Variants in PCDH15 observed in about 807,000 individuals in gnomAD.
PCDH15 encodes protocadherin-15.
A neutral mutation model predicts 178.5 loss-of-function variants in PCDH15; 129 were observed. The observed-to-expected ratio is 0.72, with a 90% CI of 0.63 to 0.84. The LOEUF is 0.84. Among genes scored for constraint, PCDH15 ranks in the 40% least tolerant of loss-of-function variants. The pLI is 0.00. For synonymous variants in PCDH15, 800 were observed against 732.0 expected (o/e 1.09, Z -1.50); for missense variants, 2,230 against 2,099.9 (o/e 1.06, Z -1.21).
At chr10:54,170,487 T>C (rs974109736) in intron 13 of PCDH15, among the ~76,000 whole-genome samples, 2 of 151,802 alleles carry the variant, frequency 1.3e-5, no homozygotes, top group African/African-American at 4.9e-5. Context: ...TCTCATAACT[T>C]CCAAAACCTA....
chr10:55,536,793 T>A (rs1841587747), intron 2 of PCDH15, among the ~76,000 whole-genome samples: 3 of 152,106 alleles, frequency 2.0e-5, no homozygotes, highest in Admixed American at 2.0e-4. Context: ...TCATCTTCTC[T>A]CCATACTTTT....
intron 8 of PCDH15, among the ~76,000 whole-genome samples, chr10:54,256,835 T>C (rs2132198625): frequency 6.6e-6 from 1 of 152,286 alleles, no homozygotes; most frequent in Non-Finnish European, 1.5e-5. Flanking sequence ...ACCACTCTAG[T>C]TACCAAAGAA....
chr10:54,748,811 TGGA>T (rs926695554), intron 1 of PCDH15, among the ~76,000 whole-genome samples: 1 of 152,176 alleles, frequency 6.6e-6, no homozygotes, highest in Non-Finnish European at 1.5e-5. Context: ...CTCATTTAAG[TGGA>T]GGATTTTTCT....
At chr10:53,818,993 A>G (rs2076161048) in intron 33 of PCDH15, among the ~76,000 whole-genome samples, 1 of 152,034 alleles carries the variant, frequency 6.6e-6, no homozygotes, top group Admixed American at 6.6e-5. Flanking sequence ...AAAAAAGTAA[A>G]TACAATGCTT....
At chr10:54,790,328 ATG>A (rs1461181861) in intron 1 of PCDH15, among the ~76,000 whole-genome samples, 9 of 151,454 alleles carry the variant, frequency 5.9e-5, no homozygotes, top group African/African-American at 1.7e-4. Context: ...ATTTTTACAT[ATG>A]TATATATTTA....
chr10:54,447,610 A>C (rs1247362814), intron 3 of PCDH15, among the ~76,000 whole-genome samples: 7 of 151,694 alleles, frequency 4.6e-5, no homozygotes, highest in Non-Finnish European at 1.0e-4. Context: ...TCTGTTACTG[A>C]GGTAATCAAA....
At chr10:53,809,624 A>G in intron 37 of PCDH15, 1 of 1,384,908 alleles carries the variant, frequency 7.2e-7, no homozygotes, top group Admixed American at 2.1e-5. Context: ...AAAGCTACGC[A>G]GGAATGAATC....
chr10:55,489,258 G>T (rs1372507313), intron 2 of PCDH15, among the ~76,000 whole-genome samples: 1 of 151,408 alleles, frequency 6.6e-6, no homozygotes, highest in Non-Finnish European at 1.5e-5. Context: ...CATTTAAATA[G>T]TGATTACAGA....
chr10:54,348,774 G>A lies in PCDH15; in HGVS notation c.475-2290C>T, dbSNP rs561487110. Reference sequence around the variant, plus strand: ...TACCATGTTGTACAATAGATTTATTGAATTTATTAGTTCAAGAAATTTAAA... The same window carrying A: ...TACCATGTTGTACAATAGATTTATTAAATTTATTAGTTCAAGAAATTTAAA... On this transcript the variant is annotated intron_variant, in intron 5 of 37. Transcript: ENST00000644397. Among the ~76,000 whole-genome samples, 261 of 152,158 alleles carry A rather than the reference G, an allele frequency of 1.7e-3. 1 individual carries two copies. Among genetic ancestry groups the A allele is most frequent in the African/African-American group, 6.1e-3 (253 of 41,522 alleles).
intron 3 of PCDH15, among the ~76,000 whole-genome samples, chr10:54,859,678 T>TTTGATATAA: frequency 6.6e-6 from 1 of 150,990 alleles, no homozygotes; most frequent in East Asian, 2.0e-4. Context: ...TAAGTGTATC[T>TTTGATATAA]GTTTTACAAA....
At chr10:54,212,388 C>T (rs2051538068) in intron 10 of PCDH15, among the ~76,000 whole-genome samples, 1 of 152,128 alleles carries the variant, frequency 6.6e-6, no homozygotes, top group Admixed American at 6.6e-5. Flanking sequence ...CCTTCAGGCT[C>T]TCTCCGTGGT....
chr10:53,828,688 T>C (rs2076848249), intron 30 of PCDH15, 115 bp from the exon 31 acceptor site: 1 of 908,980 alleles, frequency 1.1e-6, no homozygotes, highest in South Asian at 1.5e-5. Flanking sequence ...GTTAAATTCA[T>C]AATGACAGAG....
chr10:54,909,513 C>T (rs1338293261), intron 2 of PCDH15, among the ~76,000 whole-genome samples: 2 of 152,158 alleles, frequency 1.3e-5, no homozygotes, highest in Non-Finnish European at 2.9e-5. Context: ...CTCATCTTTG[C>T]TCCCTGATTG....
upstream of PCDH15, among the ~76,000 whole-genome samples, chr10:54,801,963 C>T (rs199858490): frequency 6.6e-6 from 1 of 152,178 alleles, no homozygotes; most frequent in African/African-American, 2.4e-5. Flanking sequence ...AGGAATCTAT[C>T]TTGCATAGTA....
At chr10:55,108,520 G>A (rs1239033183) in intron 2 of PCDH15, among the ~76,000 whole-genome samples, 1 of 152,058 alleles carries the variant, frequency 6.6e-6, no homozygotes, top group Non-Finnish European at 1.5e-5. Context: ...CAGACTAGAA[G>A]GACATTAGCT....
chr10:55,197,498 T>C (rs578209199), intron 1 of PCDH15, among the ~76,000 whole-genome samples: 2 of 152,222 alleles, frequency 1.3e-5, no homozygotes, highest in Non-Finnish European at 2.9e-5. Flanking sequence ...ACTTCAACAC[T>C]GTAGCTTTAT....
At chr10:54,987,658 G>A (rs537113095) in intron 2 of PCDH15, among the ~76,000 whole-genome samples, 8 of 149,260 alleles carry the variant, frequency 5.4e-5, no homozygotes, top group African/African-American at 1.2e-4. Flanking sequence ...CCGCATAAAT[G>A]TCTTCTTTTG....
chr10:53,940,492 G>C (rs935952164), intron 24 of PCDH15, among the ~76,000 whole-genome samples: 1 of 152,080 alleles, frequency 6.6e-6, no homozygotes, highest in Non-Finnish European at 1.5e-5. Context: ...TAAGGGTCAT[G>C]GATGGTTCAG....
At chr10:54,972,051 T>G (rs1414825967) in intron 2 of PCDH15, among the ~76,000 whole-genome samples, 8 of 152,174 alleles carry the variant, frequency 5.3e-5, no homozygotes, top group Admixed American at 3.3e-4. Flanking sequence ...AGAAATTGCT[T>G]TAGCCGTAGA....
Sources: allele counts gnomAD v4.1 joint callset (sites outside exome capture counted in the v4.1 genomes callset), GRCh38; gene constraint gnomAD v4.1.1; transcripts MANE v1.5; gene names NCBI Gene and HGNC (gene_info 2026-07-23, HGNC 2026-07-21).